Variants in SH3TC2 observed in about 807,000 individuals in gnomAD.
SH3TC2 encodes the protein SH3 domain and tetratricopeptide repeat-containing protein 2.
SH3TC2 carries 87 observed loss-of-function variants against 124.5 expected under a neutral mutation model. The ratio of observed to expected loss-of-function variants is 0.70; its 90% CI spans 0.59 to 0.84. The LOEUF (loss-of-function observed/expected upper bound fraction) is 0.84, where lower values mean the gene tolerates loss of function less well. SH3TC2 is among the 40% of genes least tolerant of loss of function. The probability of loss-of-function intolerance (pLI) is 0.00; values close to 1 mark genes in which losing one functional copy is unlikely to be tolerated. For missense variants in SH3TC2, 1,536 were observed against 1,566.4 expected (o/e 0.98, Z 0.33); for synonymous variants, 634 against 628.5 (o/e 1.01, Z -0.13).
In SH3TC2 at chr5:148,990,778, T is replaced by C. The variant is rs1406187410; in HGVS notation, c.*13933A>G. Among the ~76,000 whole-genome samples the C allele has an allele frequency of 6.6e-6, 1 of 152,204 alleles. No individual in the cohort carries two copies. The highest frequency in any genetic ancestry group is 1.5e-5 in the Non-Finnish European group (1 of 68,024). On this transcript the variant is annotated 3_prime_UTR_variant, in exon 17 of 17. Transcript: ENST00000515425. ...GTTATTTATTATAGAGTATACAGGA[T>C]ACAAAATATAATAGCAATTATATAT...
At chr5:149,010,662 A>T (rs751550155) in intron 13 of SH3TC2, among the ~76,000 whole-genome samples, 4 of 152,124 alleles carry the variant, frequency 2.6e-5, no homozygotes, top group Non-Finnish European at 5.9e-5. Context: ...TTACTAGTTA[A>T]GTATTTATTT....
intron 3 of SH3TC2, chr5:149,046,801 C>A (rs1754471170): frequency 6.6e-6 from 1 of 152,144 alleles, no homozygotes; most frequent in Admixed American, 6.5e-5. Flanking sequence ...CAGCCAGTGT[C>A]TCCCAGTTCC....
intron 4 of SH3TC2, 77 bp from the exon 5 acceptor site, chr5:149,042,914 T>A: frequency 1.9e-6 from 3 of 1,571,236 alleles, no homozygotes; most frequent in East Asian, 2.3e-5. Flanking sequence ...GTGAGAAAAT[T>A]CCCTCCTGAG....
At chr5:149,007,934 C>A (rs578217277) in intron 15 of SH3TC2, 1 of 152,542 alleles carries the variant, frequency 6.6e-6, no homozygotes. Flanking sequence ...TACAACCTCC[C>A]TTCAGCTCCC....
intron 14 of SH3TC2, among the ~76,000 whole-genome samples, chr5:149,009,491 C>T (rs1042023290): frequency 1.3e-5 from 2 of 152,214 alleles, no homozygotes; most frequent in African/African-American, 4.8e-5. Flanking sequence ...AAATAAGCCC[C>T]TCAACAGTCA....
intron 12 of SH3TC2, among the ~76,000 whole-genome samples, chr5:149,022,239 T>A (rs1485625303): frequency 1.3e-5 from 2 of 152,090 alleles, no homozygotes; most frequent in Non-Finnish European, 2.9e-5. Context: ...GACACGTGAA[T>A]AGACATTTCT....
chr5:148,982,819 A>T lies in SH3TC2; in HGVS notation c.*21892T>A, dbSNP rs992224391. ...TTTAATTTTTCATTTGGGAATCATGAGAATTCATTATTTGTTCATATAGAT... is the reference window on the plus strand; with the variant it reads ...TTTAATTTTTCATTTGGGAATCATGTGAATTCATTATTTGTTCATATAGAT... On this transcript the variant is annotated 3_prime_UTR_variant, in exon 17 of 17. Coordinates refer to ENST00000515425, the MANE Select transcript of SH3TC2 (RefSeq NM_024577.4). Among the ~76,000 whole-genome samples the T allele has an allele frequency of 4.6e-5, 7 of 152,232 alleles. No individual in the cohort carries two copies. Among genetic ancestry groups the T allele is most frequent in the African/African-American group, 1.7e-4 (7 of 41,466 alleles).
At chr5:149,032,467 C>T (rs1177276551) in intron 8 of SH3TC2, among the ~76,000 whole-genome samples, 1 of 152,156 alleles carries the variant, frequency 6.6e-6, no homozygotes, top group Non-Finnish European at 1.5e-5. Context: ...TTTTAGGCCA[C>T]TTTTAGTTCT....
At chr5:149,028,784 G>A in intron 9 of SH3TC2, 66 bp from the exon 10 acceptor site, 1 of 1,546,782 alleles carries the variant, frequency 6.5e-7, no homozygotes, top group Non-Finnish European at 8.9e-7. Flanking sequence ...ATGCCTCCAG[G>A]TGTACCCCAG....
Position 149,031,544 on chromosome 5 carries a change from C to G in SH3TC2, c.1135+10G>C, listed in dbSNP as rs1337143054. Reference sequence around the variant, plus strand: ...CAGGCTTTTGAAGGTGTCTGAGGACCAACACTCACTGAGCCGGTAGACAGA... The same window carrying G: ...CAGGCTTTTGAAGGTGTCTGAGGACGAACACTCACTGAGCCGGTAGACAGA... On this transcript the variant is annotated intron_variant, in intron 9 of 16. Transcript: ENST00000515425. 6.2e-7 allele frequency: 1 copy of G among 1,614,008 alleles called. No homozygotes were observed. The highest frequency in any genetic ancestry group is 1.7e-5 in the Admixed American group (1 of 60,016).
At chr5:149,023,122 G>A (rs757077252) in intron 12 of SH3TC2, among the ~76,000 whole-genome samples, 4 of 152,068 alleles carry the variant, frequency 2.6e-5, no homozygotes, top group Non-Finnish European at 4.4e-5. Context: ...TTGAATAGTC[G>A]GTCTCTGTTT....
rs773616689 is a variant in SH3TC2 at position 148,998,238 on chromosome 5, C to CACA, written c.*6470_*6472dup. 7.2e-5 allele frequency among the ~76,000 whole-genome samples: 11 copies of CACA among 152,170 alleles called. No individual in the cohort carries two copies. The East Asian group carries it at 1.2e-3, about 16-fold the overall frequency. ...ATAAAATGCATTTCTTACTGTGGGC[C>CACA]ACAACAACAACAACATAACAACAAA... On this transcript the variant is annotated 3_prime_UTR_variant, in exon 17 of 17. Transcript: ENST00000515425.
At position 148,987,061 on chromosome 5, in the gene SH3TC2, T is replaced by C. The variant is rs1187717073; in HGVS notation, c.*17650A>G. ...TTCATGGTAGTTCATTGTGCTTAAT[T>C]CTCTAATCTGAAATTCTTTATTTTA... On this transcript the variant is annotated 3_prime_UTR_variant, in exon 17 of 17. Transcript: ENST00000515425. 6.6e-6 allele frequency among the ~76,000 whole-genome samples: 1 copy of C among 152,236 alleles called. No individual in the cohort carries two copies. The highest frequency in any genetic ancestry group is 1.5e-5 in the Non-Finnish European group (1 of 68,042).
Position 149,047,947 on chromosome 5 carries a change from C to T in SH3TC2, c.194G>A (p.Cys65Tyr), listed in dbSNP as rs1754494576. The change falls in exon 3 of 17, where the codon TGT becomes TAT. Residue 65 changes from cysteine to tyrosine, a missense_variant. Around this residue, in one of 3 missense-constraint regions of SH3TC2, gnomAD observed 1,102 missense variants for 1,098.6 expected, o/e 1.00. Transcript: ENST00000515425. ...SFCVKSRSRRCVNGPLQEAAR... is the reference protein window; with the variant it reads ...SFCVKSRSRRYVNGPLQEAAR... ...AGCTTCCTGTAGGGGTCCATTTACA[C>T]ACCTCCTGGAGCGGCTCTTTACACA... 6.2e-7 allele frequency: 1 copy of T among 1,614,186 alleles called. No homozygotes were observed. The highest frequency in any genetic ancestry group is 8.5e-7 in the Non-Finnish European group (1 of 1,180,018).
At chr5:149,013,294 A>G (rs2400791) in intron 12 of SH3TC2, among the ~76,000 whole-genome samples, 5 of 106,064 alleles carry the variant, frequency 4.7e-5, no homozygotes, top group African/African-American at 1.4e-4. Flanking sequence ...AGTGAGTCTC[A>G]TGAGATCTGA....
chr5:148,996,794 T>C lies in SH3TC2; in HGVS notation c.*7917A>G, dbSNP rs546816780. Among the ~76,000 whole-genome samples the C allele has an allele frequency of 1.6e-3, 240 of 152,314 alleles. No homozygotes were observed. The highest frequency in any genetic ancestry group is 5.3e-3 in the African/African-American group (221 of 41,564). On this transcript the variant is annotated 3_prime_UTR_variant, in exon 17 of 17. Transcript: ENST00000515425. ...TTTGGCCCGTGCAAGGAAGATCAAG[T>C]AGCTGAGAGTCATACAGATCATGTT...
At chr5:149,010,157 A>C (rs148623643) in intron 14 of SH3TC2, 113 bp downstream of exon 14, 1 of 1,472,618 alleles carries the variant, frequency 6.8e-7, no homozygotes, top group Non-Finnish European at 9.5e-7. Flanking sequence ...AGAAAGAGAG[A>C]AAAATGAAAT....
chr5:149,038,470 A>T lies in SH3TC2; in HGVS notation c.826T>A (p.Leu276Met), dbSNP rs1580908028. The T allele has an allele frequency of 8.7e-6, 14 of 1,614,096 alleles. No individual in the cohort carries two copies. Among genetic ancestry groups the T allele is most frequent in the Non-Finnish European group, 1.1e-5 (13 of 1,179,934 alleles). Residue 276 changes from leucine (L) to methionine (M), a missense_variant, in exon 8 of 17, where the codon TTG becomes ATG. This residue lies in a region of SH3TC2 where 1,102 missense variants were observed against 1,098.6 expected (regional missense o/e 1.00). Coordinates refer to ENST00000515425, the MANE Select transcript of SH3TC2 (RefSeq NM_024577.4). ...YQIGRGRCKA[L>M]TGYEPGEKDE... is the part of the protein sequence containing the mutation. ...TTTTCTCCTGGCTCATAACCCGTCA[A>T]GGCCTTACAGCGTCCTCTGCCTGTG...
chr5:149,004,133 G>A lies in SH3TC2; in HGVS notation c.*578C>T, dbSNP rs567100275. 2.2e-3 allele frequency: 397 copies of A among 182,834 alleles called. 2 individuals carry two copies. Among genetic ancestry groups the A allele is most frequent in the Non-Finnish European group, 3.3e-3 (284 of 86,290 alleles). The allele number at this position is 182,834 out of a possible 1,614,324, so 11.3% of individuals were successfully genotyped here. ...ATGGTGAATCCAAGTCAGGTTTCGT[G>A]CAATCCATCTGGCCATTCTGAGGCT... is the stretch of plus-strand genomic sequence containing the variant. On this transcript the variant is annotated 3_prime_UTR_variant, in exon 17 of 17. Transcript: ENST00000515425.
Sources: gnomAD v4.1 joint callset for allele counts (sites outside exome capture counted in the v4.1 genomes callset) on GRCh38, gnomAD v4.1.1 for gene constraint, gnomAD v4.1.1 regional missense constraint, MANE v1.5 for transcripts, NCBI Gene and HGNC (gene_info 2026-07-23, HGNC 2026-07-21) for gene names.